BMPER: variants seen among roughly 807,000 people sequenced by gnomAD.
The protein encoded by BMPER is BMP-binding endothelial regulator protein.
A neutral mutation model predicts 87.3 loss-of-function variants in BMPER; 45 were observed. That is an observed-to-expected ratio of 0.52 (90% confidence interval 0.41 to 0.66). The LOEUF (loss-of-function observed/expected upper bound fraction) is 0.66. BMPER is among the 30% of genes least tolerant of loss of function. The pLI is 0.00. For synonymous variants in BMPER, 326 were observed against 316.2 expected, an observed-to-expected ratio of 1.03 and a Z score of -0.33; for missense variants, 784 against 867.5, an observed-to-expected ratio of 0.90 and a Z score of 1.21.
At chr7:34,129,580 GAGA>G (rs2127991143) in intron 13 of BMPER, among the ~76,000 whole-genome samples, 1 of 26,216 alleles carries the variant, frequency 3.8e-5, no homozygotes, top group South Asian at 2.7e-3. Context: ...GAAGGAAGGA[GAGA>G]GAGAGAGAGA....
At chr7:33,935,836 T>C (rs898689573) in intron 2 of BMPER, among the ~76,000 whole-genome samples, 1 of 152,166 alleles carries the variant, frequency 6.6e-6, no homozygotes, top group Admixed American at 6.5e-5. Context: ...GAAGTGAGTG[T>C]CATTTTCTAT....
intron 5 of BMPER, among the ~76,000 whole-genome samples, chr7:33,973,992 C>T (rs989654721): frequency 1.3e-5 from 2 of 152,156 alleles, no homozygotes; most frequent in Admixed American, 6.5e-5. Context: ...GAGGGGGCCA[C>T]AGTCCCTTTA....
chr7:34,129,742 A>G (rs1790532207), intron 13 of BMPER, among the ~76,000 whole-genome samples: 2 of 152,154 alleles, frequency 1.3e-5, no homozygotes, highest in African/African-American at 4.8e-5. Context: ...ATGAGTCCCC[A>G]AGGGCATGGA....
intron 13 of BMPER, among the ~76,000 whole-genome samples, chr7:34,125,307 C>T (rs1790372875): frequency 6.6e-6 from 1 of 152,154 alleles, no homozygotes; most frequent in Admixed American, 6.5e-5. Flanking sequence ...CACACTCATG[C>T]AAAACTCTGA....
intron 6 of BMPER, among the ~76,000 whole-genome samples, chr7:34,045,110 G>A (rs530883677): frequency 3.3e-5 from 5 of 152,210 alleles, no homozygotes; most frequent in African/African-American, 9.6e-5. Flanking sequence ...AGCAACCTGC[G>A]GGTACTAGTT....
At chr7:33,925,199 G>A (rs1026559677) in intron 2 of BMPER, among the ~76,000 whole-genome samples, 36 of 152,160 alleles carry the variant, frequency 2.4e-4, no homozygotes, top group Admixed American at 9.8e-4. Context: ...TTTGTTGGGC[G>A]AATTCATCTT....
chr7:34,099,845 T>G (rs1789630036), intron 13 of BMPER, among the ~76,000 whole-genome samples: 1 of 152,184 alleles, frequency 6.6e-6, no homozygotes, highest in Non-Finnish European at 1.5e-5. Context: ...TCTCAATTGA[T>G]GTGTTATTAG....
intron 6 of BMPER, among the ~76,000 whole-genome samples, chr7:34,028,602 T>TTTTTTG (rs1787433493): frequency 4.3e-5 from 1 of 23,484 alleles, no homozygotes; most frequent in African/African-American, 1.5e-4. Flanking sequence ...ATTTTTTCTG[T>TTTTTTG]TTTTTTTTTT....
intron 4 of BMPER, among the ~76,000 whole-genome samples, chr7:33,967,972 G>C (rs942166557): frequency 6.6e-6 from 1 of 152,184 alleles, no homozygotes; most frequent in Non-Finnish European, 1.5e-5. Flanking sequence ...TATTATATGG[G>C]AGGGACTATT....
chr7:34,101,911 G>A (rs1465640593), intron 13 of BMPER, among the ~76,000 whole-genome samples: 2 of 152,190 alleles, frequency 1.3e-5, no homozygotes, highest in African/African-American at 4.8e-5. Flanking sequence ...CATTTTGATG[G>A]CGTCCCTTGT....
At chr7:33,918,374 C>T (rs962077654) in intron 2 of BMPER, among the ~76,000 whole-genome samples, 10 of 152,210 alleles carry the variant, frequency 6.6e-5, no homozygotes, top group Non-Finnish European at 1.0e-4. Flanking sequence ...TCCCCCTTTG[C>T]TCAGAGGGCA....
chr7:34,076,862 T>G (rs1013769906), intron 11 of BMPER, among the ~76,000 whole-genome samples: 2 of 152,086 alleles, frequency 1.3e-5, no homozygotes, highest in African/African-American at 4.8e-5. Flanking sequence ...GGAGTATAAT[T>G]TCAAAACCTT....
intron 3 of BMPER, among the ~76,000 whole-genome samples, chr7:33,949,380 C>T (rs1012637574): frequency 6.6e-6 from 1 of 152,178 alleles, no homozygotes; most frequent in African/African-American, 2.4e-5. Flanking sequence ...AATCTTTGTA[C>T]CAGGTTCTTG....
chr7:34,074,552 C>A (rs1201564791), intron 11 of BMPER, among the ~76,000 whole-genome samples: 1 of 152,228 alleles, frequency 6.6e-6, no homozygotes, highest in Non-Finnish European at 1.5e-5. Flanking sequence ...GGAGCCCCTG[C>A]ATGACACAGT....
chr7:34,137,145 G>C (rs769800785), intron 13 of BMPER, among the ~76,000 whole-genome samples: 7 of 152,204 alleles, frequency 4.6e-5, no homozygotes, highest in Admixed American at 2.0e-4. Flanking sequence ...AAAATGTGTG[G>C]TTAAAGCAGA....
chr7:33,950,271 G>T (rs112794071), intron 3 of BMPER, among the ~76,000 whole-genome samples: 67 of 152,306 alleles, frequency 4.4e-4, no homozygotes, highest in African/African-American at 1.6e-3. Context: ...TATGCAAAGT[G>T]CCTGACAGCC....
intron 3 of BMPER, among the ~76,000 whole-genome samples, chr7:33,947,825 C>G (rs1045701453): frequency 2.0e-5 from 3 of 151,848 alleles, no homozygotes; most frequent in Non-Finnish European, 4.4e-5. Context: ...CTCCTCAGTG[C>G]TGCTTCGAGA....
rs754018099 is a variant in BMPER at position 34,153,144 on chromosome 7, C to T, written c.1929C>T (p.Ile643=). 1.5e-5 allele frequency: 25 copies of T among 1,613,934 alleles called. No individual in the cohort carries two copies. The South Asian group carries it at 2.5e-4, about 16-fold the overall frequency. Residue 643 remains isoleucine, a synonymous_variant, in exon 15 of 15, where the codon ATC becomes ATT. Coordinates refer to ENST00000649409, the MANE Select transcript of BMPER (RefSeq NM_001365308.1). ...AVYDTCGPGC[I]KTCDNWNEIG... Reference sequence around the variant, plus strand: ...ACGATACCTGTGGTCCGGGATGTATCAAGACGTGTGACAACTGGAATGAAA... The same window carrying T: ...ACGATACCTGTGGTCCGGGATGTATTAAGACGTGTGACAACTGGAATGAAA...
intron 6 of BMPER, among the ~76,000 whole-genome samples, chr7:33,983,224 C>A (rs949299373): frequency 6.6e-6 from 1 of 152,016 alleles, no homozygotes; most frequent in Non-Finnish European, 1.5e-5. Flanking sequence ...TAAATTTTAA[C>A]CCTCATGTAT....
Sources: allele counts gnomAD v4.1 joint callset (sites outside exome capture counted in the v4.1 genomes callset), GRCh38; gene constraint gnomAD v4.1.1; transcripts MANE v1.5; gene names NCBI Gene and HGNC (gene_info 2026-07-23, HGNC 2026-07-21).